The following CDH4 variants were observed in gnomAD, a reference collection of about 807,000 sequenced individuals.
The protein encoded by CDH4 is cadherin-4.
CDH4 carries 33 observed loss-of-function variants against 86.0 expected under a neutral mutation model. That is an observed-to-expected ratio of 0.38 (90% CI 0.29 to 0.51). The LOEUF (loss-of-function observed/expected upper bound fraction) is 0.51. CDH4 is among the 20% of genes least tolerant of loss of function. The pLI, the probability that CDH4 is intolerant of heterozygous loss-of-function variation, is 0.86. For synonymous variants in CDH4, 555 were observed against 549.4 expected (o/e 1.01, Z -0.14); for missense variants, 1,114 against 1,307.4 (o/e 0.85, Z 2.28).
chr20:61,321,737 G>A (rs572591492), intron 2 of CDH4, among the ~76,000 whole-genome samples: 5 of 152,218 alleles, frequency 3.3e-5, no homozygotes, highest in Admixed American at 1.3e-4. Context: ...GAGATGCTGC[G>A]TGCCACGCAT....
chr20:61,915,337 T>C (rs1340495658), intron 9 of CDH4, among the ~76,000 whole-genome samples: 2 of 152,178 alleles, frequency 1.3e-5, no homozygotes, highest in Admixed American at 1.3e-4. Context: ...CAGAAACCAG[T>C]CCTCTTCCAG....
Position 61,933,045 on chromosome 20 carries a change from A to C in CDH4, c.2300A>C (p.Gln767Pro). The C allele has an allele frequency of 6.2e-7, 1 of 1,613,356 alleles. No homozygotes were observed. The highest frequency in any genetic ancestry group is 8.5e-7 in the Non-Finnish European group (1 of 1,180,028). The stretch of plus-strand genomic sequence containing the variant: ...CGAGAGAAGGAGCGCCACACGAAGC[A>C]GCTGCTCATTGACCCCGAGGACGAC... ...KRREKERHTK[Q>P]LLIDPEDDVR... is the part of the protein sequence containing the mutation. Residue 767 changes from glutamine to proline, a missense_variant, in exon 14 of 16, where the codon CAG (glutamine) becomes CCG (proline). Gln to Pro is a moderately conservative substitution (Grantham distance 76). Coordinates refer to ENST00000614565, the MANE Select transcript of CDH4 (RefSeq NM_001794.5).
chr20:61,312,307 GGTGTGTGCAT>G (rs1276244874), intron 2 of CDH4, among the ~76,000 whole-genome samples: 3 of 151,438 alleles, frequency 2.0e-5, no homozygotes, highest in African/African-American at 7.3e-5. Flanking sequence ...GTGTGTGTAT[GGTGTGTGCAT>G]GTGTGTGGTG....
chr20:61,426,001 C>A (rs182198836), intron 2 of CDH4, among the ~76,000 whole-genome samples: 1 of 152,386 alleles, frequency 6.6e-6, no homozygotes, highest in African/African-American at 2.4e-5. Flanking sequence ...CAGGGCAGTT[C>A]ACATGCAACA....
rs141846862 is a variant in CDH4, at chr20:61,320,609, A to G, written c.169+65672A>G. 3.0e-3 allele frequency among the ~76,000 whole-genome samples: 459 copies of G among 152,028 alleles called. 2 individuals are homozygous for G. The highest frequency in any genetic ancestry group is 3.9e-3 in the Non-Finnish European group (266 of 67,966). Reference sequence around the variant, plus strand: ...TTTGTGAGTGGGGGATGGGGGTGCTATTTGCATCTGGGAGGTGGGAGCAGG... The same window carrying G: ...TTTGTGAGTGGGGGATGGGGGTGCTGTTTGCATCTGGGAGGTGGGAGCAGG... On this transcript the variant is annotated intron_variant, in intron 2 of 15. Transcript: ENST00000614565.
intron 2 of CDH4, among the ~76,000 whole-genome samples, chr20:61,300,248 G>A (rs2084378832): frequency 6.6e-6 from 1 of 152,096 alleles, no homozygotes; most frequent in Admixed American, 6.5e-5. Context: ...TCTGAGGCCG[G>A]GGCAATCGGC....
intron 2 of CDH4, among the ~76,000 whole-genome samples, chr20:61,542,322 G>A (rs991824837): frequency 1.3e-5 from 2 of 152,154 alleles, no homozygotes; most frequent in African/African-American, 4.8e-5. Flanking sequence ...GAGTCAAAGG[G>A]CACCTGCTTT....
rs114371488 is a variant in CDH4 at position 61,315,781 on chromosome 20, A to G, written c.169+60844A>G. 7.4e-3 allele frequency among the ~76,000 whole-genome samples: 1,130 copies of G among 152,328 alleles called. 7 individuals carry two copies. Among genetic ancestry groups the G allele is most frequent in the African/African-American group, 0.026 (1,062 of 41,574 alleles). On this transcript the variant is annotated intron_variant, in intron 2 of 15. Transcript: ENST00000614565. ...TGCAGTGGTGCGATCATAGCTCACT[A>G]CAGCCTCAAACTCATGGTCTCAAGC...
chr20:61,586,162 AATG>A (rs199627420), intron 2 of CDH4, among the ~76,000 whole-genome samples: 140 of 151,008 alleles, frequency 9.3e-4, no homozygotes, highest in Middle Eastern at 3.4e-3. Flanking sequence ...GTGATGGGGA[AATG>A]ATGATGATGT....
chr20:61,253,870 C>T (rs2084081245), intron 1 of CDH4, among the ~76,000 whole-genome samples: 1 of 152,306 alleles, frequency 6.6e-6, no homozygotes, highest in Admixed American at 6.5e-5. Flanking sequence ...GCGCCACTGC[C>T]CGGTGCGGGC....
chr20:61,382,516 C>T (rs1251546849), intron 2 of CDH4, among the ~76,000 whole-genome samples: 1 of 152,238 alleles, frequency 6.6e-6, no homozygotes, highest in Admixed American at 6.5e-5. Context: ...GTGACACCTT[C>T]TATTGGCTTC....
chr20:61,771,512 T>C (rs1286961454), intron 3 of CDH4, among the ~76,000 whole-genome samples: 1 of 150,730 alleles, frequency 6.6e-6, no homozygotes, highest in Non-Finnish European at 1.5e-5. Context: ...TAATCCCAGC[T>C]ACTCAGGAGG....
intron 2 of CDH4, among the ~76,000 whole-genome samples, chr20:61,342,555 G>A (rs919745842): frequency 1.3e-5 from 2 of 152,204 alleles, no homozygotes; most frequent in African/African-American, 4.8e-5. Flanking sequence ...ATGTGAGCCA[G>A]GGGGAGCAGC....
At chr20:61,292,017 G>A (rs933100516) in intron 2 of CDH4, among the ~76,000 whole-genome samples, 4 of 152,180 alleles carry the variant, frequency 2.6e-5, no homozygotes, top group East Asian at 1.9e-4. Context: ...CTGTTCCTGC[G>A]TAAGTTTGCT....
At chr20:61,643,272 C>T (rs1229494278) in intron 2 of CDH4, among the ~76,000 whole-genome samples, 3 of 152,206 alleles carry the variant, frequency 2.0e-5, no homozygotes, top group African/African-American at 7.2e-5. Flanking sequence ...GACCCCACCC[C>T]TGTGATAACC....
chr20:61,395,579 A>T (rs1166690579), intron 2 of CDH4, among the ~76,000 whole-genome samples: 1 of 152,148 alleles, frequency 6.6e-6, no homozygotes, highest in Non-Finnish European at 1.5e-5. Flanking sequence ...CAGGACTTTG[A>T]GACCAGCCTG....
chr20:61,838,832 A>AAG (rs1981998722), intron 4 of CDH4, among the ~76,000 whole-genome samples: 1 of 133,586 alleles, frequency 7.5e-6, no homozygotes, highest in African/African-American at 2.9e-5. Context: ...TAAAAAAAAA[A>AAG]AAAAAAGAAA....
intron 4 of CDH4, among the ~76,000 whole-genome samples, chr20:61,793,180 G>C (rs938306958): frequency 6.6e-6 from 1 of 150,860 alleles, no homozygotes; most frequent in Non-Finnish European, 1.5e-5. Flanking sequence ...GGCCAGGCTG[G>C]TCCTGAACTC....
intron 2 of CDH4, among the ~76,000 whole-genome samples, chr20:61,331,095 C>A (rs956045846): frequency 1.3e-5 from 2 of 152,102 alleles, no homozygotes; most frequent in Non-Finnish European, 2.9e-5. Flanking sequence ...AGCCACCCCA[C>A]GTGTGGGAGG....
Sources: allele counts gnomAD v4.1 joint callset (sites outside exome capture counted in the v4.1 genomes callset), GRCh38; gene constraint gnomAD v4.1.1; transcripts MANE v1.5; gene names NCBI Gene and HGNC (gene_info 2026-07-23, HGNC 2026-07-21).